ANAPC11: variants seen among roughly 807,000 people sequenced by gnomAD.
ANAPC11 encodes the protein anaphase-promoting complex subunit 11.
A neutral mutation model predicts 11.8 loss-of-function variants in ANAPC11; 5 were observed. The ratio of observed to expected loss-of-function variants is 0.42; its 90% confidence interval spans 0.22 to 0.89. ANAPC11 has a LOEUF of 0.89. Among genes scored for constraint, ANAPC11 ranks in the 40% least tolerant of loss-of-function variants. The pLI, the probability that ANAPC11 is intolerant of heterozygous loss-of-function variation, is 0.28. For missense variants in ANAPC11, 68 were observed against 112.9 expected (o/e 0.60, Z 1.80); for synonymous variants, 45 against 41.0 (o/e 1.10, Z -0.38).
At chr17:81,898,234 C>T (rs911223082) in intron 3 of ANAPC11, 1 of 152,286 alleles carries the variant, frequency 6.6e-6, no homozygotes, top group Non-Finnish European at 1.5e-5. Context: ...ACCATGTGTC[C>T]ACACCTCGTC....
chr17:81,897,511 G>C (rs763515644), intron 3 of ANAPC11, among the ~76,000 whole-genome samples: 6 of 151,798 alleles, frequency 4.0e-5, no homozygotes, highest in Non-Finnish European at 8.8e-5. Context: ...GGGTCTTGCT[G>C]TCACCCAGGC....
intron 3 of ANAPC11, chr17:81,899,466 C>T: frequency 6.2e-7 from 1 of 1,614,028 alleles, no homozygotes; most frequent in Non-Finnish European, 8.5e-7. Context: ...ATGCACGTCT[C>T]CTTGGTGCCT....
At chr17:81,895,271 G>A (rs553515108) in intron 3 of ANAPC11, among the ~76,000 whole-genome samples, 1 of 151,710 alleles carries the variant, frequency 6.6e-6, no homozygotes, top group Non-Finnish European at 1.5e-5. Flanking sequence ...GGCTGGTCTC[G>A]AACTGTCAAC....
rs189960743 is a variant in ANAPC11, at chr17:81,892,656, G to A, written c.-75+815G>A. ...TCCAGCGGCAGCCTCCCGAGTAGCT[G>A]GGACTACAGGCACGTGCCACCATAC... On this transcript the variant is annotated intron_variant, in intron 1 of 3. Coordinates refer to ENST00000344877, the MANE Select transcript of ANAPC11 (RefSeq NM_001002248.3). Among the ~76,000 whole-genome samples, 870 of 150,154 alleles carry A rather than the reference G, an allele frequency of 5.8e-3. 25 individuals are homozygous for A. Among genetic ancestry groups the A allele is most frequent in the African/African-American group, 0.02 (809 of 40,544 alleles).
intron 3 of ANAPC11, among the ~76,000 whole-genome samples, chr17:81,896,183 G>C (rs1293895524): frequency 6.6e-6 from 1 of 152,224 alleles, no homozygotes; most frequent in Admixed American, 6.5e-5. Context: ...CACTTTGGGA[G>C]GCCGAGGTGG....
At chr17:81,890,883 C>G, upstream of ANAPC11, 4 of 1,609,410 alleles carry the variant, frequency 2.5e-6, no homozygotes, top group Non-Finnish European at 3.4e-6. Context: ...TCCTGACCCT[C>G]ACGGCTACTC....
At chr17:81,890,975 G>A (rs969968036), upstream of ANAPC11, 6 of 1,143,776 alleles carry the variant, frequency 5.2e-6, no homozygotes, top group African/African-American at 6.3e-5. Flanking sequence ...AGCTGCCCCA[G>A]CCCGAGGCCG....
chr17:81,899,183 GA>G, intron 3 of ANAPC11: 1 of 1,540,586 alleles, frequency 6.5e-7, no homozygotes, highest in South Asian at 1.2e-5. Flanking sequence ...GGCTCTTGGA[GA>G]TCAGGGACAC....
intron 3 of ANAPC11, chr17:81,898,959 A>C: frequency 4.1e-6 from 2 of 491,478 alleles, no homozygotes; most frequent in Non-Finnish European, 7.3e-6. Flanking sequence ...TCTCATTTGA[A>C]AGGGCCGATA....
At chr17:81,899,162 A>G (rs1598304015) in intron 3 of ANAPC11, 1 of 1,424,430 alleles carries the variant, frequency 7.0e-7, no homozygotes, top group Non-Finnish European at 9.6e-7. Flanking sequence ...GCTGTTCCTC[A>G]GGGGTTTCCA....
At chr17:81,896,431 AG>A (rs1379062408) in intron 3 of ANAPC11, among the ~76,000 whole-genome samples, 2 of 152,212 alleles carry the variant, frequency 1.3e-5, no homozygotes, top group East Asian at 1.9e-4. Flanking sequence ...TCAAAAAAAA[AG>A]AAAAAAAGTG....
chr17:81,898,966 G>A lies in ANAPC11; in HGVS notation c.110-954G>A, dbSNP rs916425110. On this transcript the variant is annotated intron_variant, in intron 3 of 3. Coordinates refer to ENST00000344877, the MANE Select transcript of ANAPC11 (RefSeq NM_001002248.3). ...GCTTCAGCTCTCATTTGAAAGGGCC[G>A]ATATCAAGCAGAGTTGTGCTGAGGC... The A allele has an allele frequency of 3.2e-5, 17 of 525,120 alleles. No individual in the cohort carries two copies. In the South Asian group the frequency reaches 3.6e-4, roughly 11 times the overall value. The allele number at this position is 525,120 out of a possible 1,614,324, so 32.5% of individuals were successfully genotyped here.
Position 81,894,561 on chromosome 17 carries a change from G to A in ANAPC11, c.84G>A (p.Met28Ile). The A allele has an allele frequency of 6.2e-7, 1 of 1,611,242 alleles. No individual in the cohort carries two copies. Among genetic ancestry groups the A allele is most frequent in the Non-Finnish European group, 8.5e-7 (1 of 1,178,200 alleles). Reference protein sequence around the residue: ...ANDENCGICRMAFNGCCPDCK... With the variant: ...ANDENCGICRIAFNGCCPDCK... ...ATGAGAACTGTGGCATCTGCAGGAT[G>A]GCATTTAACGGATGCTGCCCTGACT... The change falls in exon 3 of 4, where the codon ATG becomes ATA. Residue 28 changes from methionine (M) to isoleucine (I), a missense_variant. Transcript: ENST00000344877.
upstream of ANAPC11, chr17:81,891,077 G>A (rs2039515177): frequency 1.5e-6 from 1 of 671,078 alleles, no homozygotes; most frequent in Non-Finnish European, 2.4e-6. Flanking sequence ...CTCCTGCCAC[G>A]AGGCCCCAAC....
chr17:81,897,869 T>C (rs1446638966), intron 3 of ANAPC11, among the ~76,000 whole-genome samples: 1 of 152,118 alleles, frequency 6.6e-6, no homozygotes, highest in Non-Finnish European at 1.5e-5. Flanking sequence ...GGCTCTGTCC[T>C]GCCACAGCCT....
At chr17:81,897,562 C>G (rs896306145) in intron 3 of ANAPC11, among the ~76,000 whole-genome samples, 1 of 152,020 alleles carries the variant, frequency 6.6e-6, no homozygotes, top group Non-Finnish European at 1.5e-5. Flanking sequence ...CTGTAGCCTT[C>G]AATTCCTCAG....
chr17:81,891,339 G>T, upstream of ANAPC11: 1 of 1,163,570 alleles, frequency 8.6e-7, no homozygotes, highest in South Asian at 2.9e-5. Flanking sequence ...GTAGGGCGCC[G>T]GTCGGTTCCT....
chr17:81,894,057 C>T (rs538170183), intron 2 of ANAPC11, among the ~76,000 whole-genome samples: 1 of 151,846 alleles, frequency 6.6e-6, no homozygotes, highest in South Asian at 2.1e-4. Flanking sequence ...AGTGGCAGAT[C>T]GCTTGAGGCC....
intron 1 of ANAPC11, among the ~76,000 whole-genome samples, chr17:81,892,944 A>G (rs548178147): frequency 5.0e-4 from 76 of 151,036 alleles, no homozygotes; most frequent in African/African-American, 1.7e-3. Context: ...TGCAGCCTCA[A>G]ACTCCTGGGC....
Sources: gnomAD v4.1 joint callset for allele counts (sites outside exome capture counted in the v4.1 genomes callset) on GRCh38, gnomAD v4.1.1 for gene constraint, MANE v1.5 for transcripts, NCBI Gene and HGNC (gene_info 2026-07-23, HGNC 2026-07-21) for gene names.